The following LRBA variants were observed in gnomAD, a reference collection of about 807,000 sequenced individuals.
LRBA encodes the protein lipopolysaccharide-responsive and beige-like anchor protein.
Under a neutral mutation model 330.0 loss-of-function variants are expected in LRBA, and 176 were observed. The observed-to-expected ratio is 0.53, with a 90% CI of 0.47 to 0.60. The LOEUF (loss-of-function observed/expected upper bound fraction) is 0.60. Ranked by LOEUF, LRBA falls within the 20% of genes least tolerant of loss-of-function variation. The pLI is 0.00. For synonymous variants in LRBA, 1,230 were observed against 1,193.0 expected (o/e 1.03, Z -0.64); for missense variants, 3,259 against 3,444.8 (o/e 0.95, Z 1.35).
At chr4:150,606,589 T>G (rs970436430) in intron 37 of LRBA, among the ~76,000 whole-genome samples, 11 of 152,174 alleles carry the variant, frequency 7.2e-5, no homozygotes, top group African/African-American at 2.7e-4. Flanking sequence ...CACACTGTTC[T>G]CTGTTATATA....
chr4:150,730,789 A>T (rs887731187), intron 36 of LRBA, among the ~76,000 whole-genome samples: 1 of 152,012 alleles, frequency 6.6e-6, no homozygotes, highest in Non-Finnish European at 1.5e-5. Flanking sequence ...AGGCTGATGA[A>T]GGCAGATCAC....
Position 150,993,004 on chromosome 4 carries a change from G to A in LRBA, c.216+21423C>T, listed in dbSNP as rs142199830. ...TTATTTTAAAGGTAAAAATAAGGCCGGGTGCAGTGGCTCACACCTATAATC... is the reference window on the plus strand; with the variant it reads ...TTATTTTAAAGGTAAAAATAAGGCCAGGTGCAGTGGCTCACACCTATAATC... On this transcript the variant is annotated intron_variant, in intron 2 of 56. Coordinates refer to ENST00000651943, the MANE Select transcript of LRBA (RefSeq NM_001364905.1). Among the ~76,000 whole-genome samples, 11 of 152,190 alleles carry A rather than the reference G, an allele frequency of 7.2e-5. No homozygotes were observed. In the East Asian group the frequency reaches 9.6e-4, roughly 13 times the overall value.
At chr4:150,298,834 A>G (rs982158669) in intron 53 of LRBA, among the ~76,000 whole-genome samples, 4 of 152,216 alleles carry the variant, frequency 2.6e-5, no homozygotes, top group African/African-American at 9.6e-5. Flanking sequence ...TACTACACAC[A>G]CAAATCTGTG....
At chr4:150,347,376 T>C (rs1049915018) in intron 48 of LRBA, among the ~76,000 whole-genome samples, 4 of 152,200 alleles carry the variant, frequency 2.6e-5, no homozygotes, top group Non-Finnish European at 5.9e-5. Context: ...CCAGGGGCAG[T>C]GGCTCAGGTC....
rs1280284471 is a variant in LRBA, at chr4:150,928,875, T to C, written c.407A>G (p.Lys136Arg). Residue 136 changes from lysine to arginine, a missense_variant, in exon 3 of 57, where the codon AAA becomes AGA. Coordinates refer to ENST00000651943, the MANE Select transcript of LRBA (RefSeq NM_001364905.1). ...QVCTEVGLVE[K>R]VLGKIEKVDN... ...AACTTTTTCAATTTTCCCAAGCACT[T>C]TTTCAACAAGGCCTACTTCAGTGCA... The C allele has an allele frequency of 6.2e-6, 10 of 1,613,954 alleles. No homozygotes were observed. The highest frequency in any genetic ancestry group is 5.0e-5 in the Admixed American group (3 of 59,992).
At chr4:150,377,773 A>G (rs898382315) in intron 47 of LRBA, among the ~76,000 whole-genome samples, 4 of 151,916 alleles carry the variant, frequency 2.6e-5, no homozygotes, top group Admixed American at 6.6e-5. Flanking sequence ...TTATTTATTT[A>G]TTTGTTTTGT....
chr4:150,852,728 A>G lies in LRBA; in HGVS notation c.2982T>C (p.Ser994=). 6.2e-7 allele frequency: 1 copy of G among 1,613,850 alleles called. No homozygotes were observed. Among genetic ancestry groups the G allele is most frequent in the South Asian group, 1.1e-5 (1 of 91,028 alleles). Residue 994 remains serine (S), a synonymous_variant, in exon 23 of 57, where the codon AGT becomes AGC. Coordinates refer to ENST00000651943, the MANE Select transcript of LRBA (RefSeq NM_001364905.1). Reference sequence around the variant, plus strand: ...ATTCTAGTGAACTTGTCTTCTCTATACTTGAATTTTCATTACCATTTGTGG... The same window carrying G: ...ATTCTAGTGAACTTGTCTTCTCTATGCTTGAATTTTCATTACCATTTGTGG... ...HFTTNGNENS[S]IEKTSSLESA...
At chr4:150,848,782 T>G (rs1011382197) in intron 26 of LRBA, 36 bp downstream of exon 26, 1 of 1,538,382 alleles carries the variant, frequency 6.5e-7, no homozygotes, top group Non-Finnish European at 8.8e-7. Flanking sequence ...TGAAAAATTT[T>G]TTTTAGTAAA....
At chr4:150,666,556 A>C (rs1781576006) in intron 37 of LRBA, among the ~76,000 whole-genome samples, 1 of 152,180 alleles carries the variant, frequency 6.6e-6, no homozygotes, top group East Asian at 1.9e-4. Flanking sequence ...ATAGTAAAAC[A>C]ACCATTTACA....
At chr4:150,873,384 A>G (rs1277850463) in intron 17 of LRBA, among the ~76,000 whole-genome samples, 1 of 152,176 alleles carries the variant, frequency 6.6e-6, no homozygotes, top group African/African-American at 2.4e-5. Context: ...TGAAGTCAGG[A>G]GTTCGAGACC....
chr4:150,953,129 TGTTA>T (rs1365317349), intron 2 of LRBA, among the ~76,000 whole-genome samples: 1 of 152,222 alleles, frequency 6.6e-6, no homozygotes, highest in East Asian at 1.9e-4. Flanking sequence ...TGAAGAGTTC[TGTTA>T]GTTACAAAAT....
intron 36 of LRBA, among the ~76,000 whole-genome samples, chr4:150,712,805 A>G (rs1348370784): frequency 1.3e-5 from 2 of 152,192 alleles, no homozygotes; most frequent in African/African-American, 4.8e-5. Context: ...ACCCAAAGAG[A>G]TTCCTACTTA....
intron 37 of LRBA, among the ~76,000 whole-genome samples, chr4:150,611,249 T>TA (rs1775227872): frequency 6.6e-6 from 1 of 152,212 alleles, no homozygotes; most frequent in Non-Finnish European, 1.5e-5. Flanking sequence ...TTAGGCATGC[T>TA]AGTACGTATT....
intron 37 of LRBA, among the ~76,000 whole-genome samples, chr4:150,674,083 C>T (rs764895268): frequency 7.9e-5 from 12 of 151,810 alleles, no homozygotes; most frequent in East Asian, 1.9e-4. Flanking sequence ...CATGAGCTTT[C>T]GATGTCAGCT....
chr4:150,762,845 C>A (rs914461157), intron 34 of LRBA, among the ~76,000 whole-genome samples: 1 of 151,964 alleles, frequency 6.6e-6, no homozygotes, highest in African/African-American at 2.4e-5. Context: ...AAACCATATT[C>A]ATATTTTCTG....
At chr4:150,388,696 C>G (rs566918707) in intron 47 of LRBA, among the ~76,000 whole-genome samples, 2 of 152,246 alleles carry the variant, frequency 1.3e-5, no homozygotes, top group South Asian at 4.1e-4. Flanking sequence ...CAATAAAGTG[C>G]TTAAACTAGT....
At chr4:150,687,394 A>G (rs955762936) in intron 36 of LRBA, among the ~76,000 whole-genome samples, 3 of 152,112 alleles carry the variant, frequency 2.0e-5, no homozygotes, top group Non-Finnish European at 4.4e-5. Context: ...TCGGTAACAT[A>G]AACGGTCAAA....
chr4:150,904,692 T>C (rs1731125577), intron 13 of LRBA, among the ~76,000 whole-genome samples: 1 of 152,066 alleles, frequency 6.6e-6, no homozygotes, highest in Admixed American at 6.6e-5. Flanking sequence ...GAAGTAAGAC[T>C]GAGGGTCATG....
chr4:150,473,838 A>G (rs1354197140), intron 42 of LRBA, among the ~76,000 whole-genome samples: 1 of 152,138 alleles, frequency 6.6e-6, no homozygotes, highest in Non-Finnish European at 1.5e-5. Flanking sequence ...TACATATCCT[A>G]TTGGTTTTGT....
Sources: gnomAD v4.1 joint callset for allele counts (sites outside exome capture counted in the v4.1 genomes callset) on GRCh38, gnomAD v4.1.1 for gene constraint, MANE v1.5 for transcripts, NCBI Gene and HGNC (gene_info 2026-07-23, HGNC 2026-07-21) for gene names.